The following AXDND1 variants were observed in gnomAD, a reference collection of about 807,000 sequenced individuals.
The protein encoded by AXDND1 is axonemal dynein light chain domain-containing protein 1.
In AXDND1, 110 loss-of-function variants were observed where a neutral mutation model predicts 137.5. The observed-to-expected ratio is 0.80, with a 90% CI of 0.69 to 0.94. The LOEUF (loss-of-function observed/expected upper bound fraction) is 0.94, where lower values mean the gene tolerates loss of function less well. Among genes scored for constraint, AXDND1 ranks in the 40% least tolerant of loss-of-function variants. AXDND1 has a pLI of 0.00. For missense variants in AXDND1, 1,191 were observed against 1,169.8 expected (o/e 1.02, Z -0.26); for synonymous variants, 414 against 399.7 (o/e 1.04, Z -0.43).
At chr1:179,435,391 C>CG in intron 15 of AXDND1, among the ~76,000 whole-genome samples, 2 of 152,216 alleles carry the variant, frequency 1.3e-5, no homozygotes, top group Non-Finnish European at 2.9e-5. Context: ...CTAAGACAAT[C>CG]CTAAGAAAAA....
At chr1:179,549,547 A>G (rs557201630) in intron 25 of AXDND1, among the ~76,000 whole-genome samples, 1 of 152,158 alleles carries the variant, frequency 6.6e-6, no homozygotes, top group Non-Finnish European at 1.5e-5. Context: ...ATAAGGAAGT[A>G]TGAAGAGTCA....
Position 179,528,439 on chromosome 1 carries a change from T to G in AXDND1, c.2715+8T>G. On this transcript the variant is annotated splice_region_variant and intron_variant, in intron 23 of 25. Transcript: ENST00000367618. Reference sequence around the variant, plus strand: ...GATGTGTTGTCTTCCTGGGTATGTATCTGAAACCCAGCTAGGGAATTCAAC... The same window carrying G: ...GATGTGTTGTCTTCCTGGGTATGTAGCTGAAACCCAGCTAGGGAATTCAAC... The G allele has an allele frequency of 5.1e-5, 81 of 1,579,210 alleles. No individual in the cohort carries two copies. Among genetic ancestry groups the G allele is most frequent in the Non-Finnish European group, 6.3e-5 (72 of 1,148,458 alleles).
chr1:179,459,902 C>A (rs906981192), intron 16 of AXDND1, among the ~76,000 whole-genome samples: 3 of 120,686 alleles, frequency 2.5e-5, no homozygotes, highest in Admixed American at 9.2e-5. Context: ...TTCTTTCTTT[C>A]ATTCCTTTTC....
chr1:179,458,340 T>C (rs1661720099), intron 16 of AXDND1, among the ~76,000 whole-genome samples: 1 of 152,152 alleles, frequency 6.6e-6, no homozygotes, highest in Non-Finnish European at 1.5e-5. Context: ...TTAAAGAACA[T>C]ATAATTTTAA....
chr1:179,391,655 G>C (rs1406567819), intron 9 of AXDND1, among the ~76,000 whole-genome samples: 1 of 152,034 alleles, frequency 6.6e-6, no homozygotes, highest in East Asian at 1.9e-4. Flanking sequence ...TCCTGCCTCA[G>C]CCTCCCAAGT....
chr1:179,435,046 C>T (rs1475281919), intron 15 of AXDND1, among the ~76,000 whole-genome samples: 1 of 151,966 alleles, frequency 6.6e-6, no homozygotes, highest in Non-Finnish European at 1.5e-5. Context: ...TATGCACCAA[C>T]AATATACAAG....
At chr1:179,542,675 C>G (rs1672276707) in intron 25 of AXDND1, among the ~76,000 whole-genome samples, 1 of 152,184 alleles carries the variant, frequency 6.6e-6, no homozygotes, top group South Asian at 2.1e-4. Context: ...GAGAGGTTAC[C>G]TCAATATGGA....
At chr1:179,420,358 G>A (rs1195555401) in intron 12 of AXDND1, among the ~76,000 whole-genome samples, 3 of 151,968 alleles carry the variant, frequency 2.0e-5, no homozygotes, top group Admixed American at 6.6e-5. Context: ...TATTTTGTGA[G>A]GATTTTTACA....
intron 15 of AXDND1, among the ~76,000 whole-genome samples, chr1:179,444,577 A>C (rs1417322532): frequency 6.6e-6 from 1 of 151,582 alleles, no homozygotes; most frequent in Non-Finnish European, 1.5e-5. Context: ...ATAAAATACA[A>C]CTTGTATATT....
intron 11 of AXDND1, among the ~76,000 whole-genome samples, chr1:179,406,386 A>G (rs146258137): frequency 6.6e-6 from 1 of 152,264 alleles, no homozygotes; most frequent in East Asian, 1.9e-4. Flanking sequence ...GTTCTAAAGT[A>G]TTGCTTAAAT....
rs1450144016 is a variant in AXDND1, at chr1:179,488,794, G to A, written c.2092-2744G>A. ...CTGTCACCCAGGCTGGACTGCAGTG[G>A]CACGTTCTCAGCTCACTGCAACCTC... On this transcript the variant is annotated intron_variant, in intron 18 of 25. Transcript: ENST00000367618. Among the ~76,000 whole-genome samples, 2 of 143,068 alleles carry A rather than the reference G, an allele frequency of 1.4e-5. 1 individual carries two copies. The highest frequency in any genetic ancestry group is 5.5e-5 in the African/African-American group (2 of 36,288). 93.9% of individuals were successfully genotyped at this position (143,068 alleles called of 152,430 possible). A position where few individuals can be genotyped will look rare whatever the true frequency, so the allele number is the denominator to read the frequency against.
At chr1:179,484,236 G>C (rs181723041) in intron 18 of AXDND1, among the ~76,000 whole-genome samples, 3 of 152,334 alleles carry the variant, frequency 2.0e-5, no homozygotes, top group Admixed American at 6.5e-5. Context: ...GCTGCTTAGA[G>C]AGGTGGTAGG....
At chr1:179,393,407 T>G (rs974635942) in intron 9 of AXDND1, among the ~76,000 whole-genome samples, 7 of 152,194 alleles carry the variant, frequency 4.6e-5, no homozygotes, top group African/African-American at 1.4e-4. Flanking sequence ...ATGTGATGTT[T>G]CCAGATTTAT....
At chr1:179,446,681 C>T (rs1282343802) in intron 16 of AXDND1, among the ~76,000 whole-genome samples, 1 of 152,098 alleles carries the variant, frequency 6.6e-6, no homozygotes, top group East Asian at 1.9e-4. Flanking sequence ...GATTCTTTGC[C>T]CATATTTTAT....
chr1:179,496,464 G>A (rs901100497), intron 20 of AXDND1, among the ~76,000 whole-genome samples: 6 of 151,896 alleles, frequency 4.0e-5, no homozygotes, highest in African/African-American at 1.2e-4. Flanking sequence ...AGGAATTTGC[G>A]ATTTCATCTA....
At position 179,455,993 on chromosome 1, in the gene AXDND1, C is replaced by T. The variant is rs573304663; in HGVS notation, c.1798+10789C>T. ...TACATTAAAACCCTTTGTTGGAATG[C>T]TTTACACTTTTCACAGAACACAAAC... On this transcript the variant is annotated intron_variant, in intron 16 of 25. Transcript: ENST00000367618. The T allele has an allele frequency of 6.9e-5, 23 of 334,962 alleles. No individual in the cohort carries two copies. In the East Asian group the frequency reaches 1.7e-3, roughly 24 times the overall value. The allele number at this position is 334,962 out of a possible 1,614,324, so 20.7% of individuals were successfully genotyped here. A position where few individuals can be genotyped will look rare whatever the true frequency, so the allele number is the denominator to read the frequency against.
At chr1:179,401,168 G>C (rs1224799311) in intron 11 of AXDND1, among the ~76,000 whole-genome samples, 1 of 145,792 alleles carries the variant, frequency 6.9e-6, no homozygotes, top group Non-Finnish European at 1.5e-5. Context: ...TGAGGCAGGA[G>C]AATCGCTTGA....
intron 17 of AXDND1, among the ~76,000 whole-genome samples, chr1:179,476,634 G>A (rs2125514027): frequency 6.6e-6 from 1 of 152,000 alleles, no homozygotes; most frequent in East Asian, 1.9e-4. Flanking sequence ...AGGATTCTTG[G>A]TTGACATTTT....
intron 16 of AXDND1, among the ~76,000 whole-genome samples, chr1:179,458,827 A>G (rs1212270277): frequency 6.6e-6 from 1 of 152,028 alleles, no homozygotes; most frequent in East Asian, 1.9e-4. Flanking sequence ...AATTAACCTA[A>G]CAAAATAGAT....
Sources: allele counts gnomAD v4.1 joint callset (sites outside exome capture counted in the v4.1 genomes callset), GRCh38; gene constraint gnomAD v4.1.1; transcripts MANE v1.5; gene names NCBI Gene and HGNC (gene_info 2026-07-23, HGNC 2026-07-21).